TMEM132D: variants seen among roughly 807,000 people sequenced by gnomAD.
The protein encoded by TMEM132D is transmembrane protein 132D.
A neutral mutation model predicts 62.3 loss-of-function variants in TMEM132D; 21 were observed. The observed-to-expected ratio is 0.34, with a 90% confidence interval of 0.24 to 0.49. The LOEUF is 0.49. Ranked by LOEUF, TMEM132D falls within the 20% of genes least tolerant of loss-of-function variation. TMEM132D has a pLI of 0.99. For missense variants in TMEM132D, 1,346 were observed against 1,402.8 expected, an observed-to-expected ratio of 0.96 and a Z score of 0.65; for synonymous variants, 621 against 575.6, an observed-to-expected ratio of 1.08 and a Z score of -1.13.
At chr12:129,520,711 T>C (rs771922823) in intron 3 of TMEM132D, among the ~76,000 whole-genome samples, 29 of 152,196 alleles carry the variant, frequency 1.9e-4, no homozygotes, top group Admixed American at 4.6e-4. Context: ...CACGCCACGA[T>C]TAAGCTGTAC....
intron 3 of TMEM132D, among the ~76,000 whole-genome samples, chr12:129,504,980 T>C (rs1281767217): frequency 1.3e-5 from 2 of 152,242 alleles, no homozygotes; most frequent in African/African-American, 4.8e-5. Flanking sequence ...CCACTGATAA[T>C]TCAAGAACAG....
chr12:129,741,826 C>T (rs996482503), intron 1 of TMEM132D, among the ~76,000 whole-genome samples: 1 of 152,150 alleles, frequency 6.6e-6, no homozygotes, highest in African/African-American at 2.4e-5. Context: ...CTTCAAGGTG[C>T]CATTTTAGCT....
intron 3 of TMEM132D, among the ~76,000 whole-genome samples, chr12:129,509,998 G>T (rs1304131132): frequency 2.6e-5 from 4 of 152,156 alleles, no homozygotes; most frequent in Non-Finnish European, 5.9e-5. Context: ...CAATAGGATT[G>T]CTGGGTCTTA....
chr12:129,605,802 T>C (rs532565563), intron 2 of TMEM132D, among the ~76,000 whole-genome samples: 4 of 151,082 alleles, frequency 2.6e-5, no homozygotes, highest in Non-Finnish European at 5.9e-5. Context: ...TGGGTCAGAG[T>C]TGTGGTTTGC....
chr12:129,282,502 C>T lies in TMEM132D; in HGVS notation c.1299+55132G>A, dbSNP rs996822168. Among the ~76,000 whole-genome samples, 8 of 152,198 alleles carry T rather than the reference C, an allele frequency of 5.3e-5. No homozygotes were observed. The East Asian group carries it at 9.7e-4, about 18-fold the overall frequency. On this transcript the variant is annotated intron_variant, in intron 4 of 8. Transcript: ENST00000422113. ...GTCCAGATGAACACCAGCTACGATC[C>T]GGGCTGACTAAAAACCGAAGACCAG...
intron 2 of TMEM132D, among the ~76,000 whole-genome samples, chr12:129,680,593 A>G (rs1373836200): frequency 1.3e-5 from 2 of 152,180 alleles, no homozygotes; most frequent in Non-Finnish European, 2.9e-5. Context: ...CATAAGATAG[A>G]GTCAATCAGA....
chr12:129,316,015 T>C lies in TMEM132D; in HGVS notation c.1299+21619A>G, dbSNP rs1296805985. On this transcript the variant is annotated intron_variant, in intron 4 of 8. Transcript: ENST00000422113. ...CTTGTTTCATTTCTTCGTGAAGTTATTTGGATTTTCTCGCTTCTCTTCTTG... is the reference window on the plus strand; with the variant it reads ...CTTGTTTCATTTCTTCGTGAAGTTACTTGGATTTTCTCGCTTCTCTTCTTG... 2.6e-5 allele frequency among the ~76,000 whole-genome samples: 4 copies of C among 152,312 alleles called. No individual in the cohort carries two copies. The South Asian group carries it at 8.3e-4, about 32-fold the overall frequency.
At chr12:129,508,642 A>T (rs1235904020) in intron 3 of TMEM132D, among the ~76,000 whole-genome samples, 1 of 152,122 alleles carries the variant, frequency 6.6e-6, no homozygotes, top group Non-Finnish European at 1.5e-5. Flanking sequence ...AAGAATATCG[A>T]TCTCACCAGA....
intron 3 of TMEM132D, among the ~76,000 whole-genome samples, chr12:129,348,051 A>T (rs528372386): frequency 1.3e-5 from 2 of 152,296 alleles, no homozygotes; most frequent in African/African-American, 4.8e-5. Flanking sequence ...AAAGTCAGGA[A>T]ACAACAGGTG....
intron 5 of TMEM132D, chr12:129,208,638 G>A (rs1417238925): frequency 6.6e-6 from 1 of 152,204 alleles, no homozygotes; most frequent in East Asian, 1.9e-4. Flanking sequence ...TCCAGCCATG[G>A]CTAGGACTCA....
intron 2 of TMEM132D, among the ~76,000 whole-genome samples, chr12:129,694,808 AC>A (rs1483383127): frequency 6.6e-6 from 1 of 152,210 alleles, no homozygotes; most frequent in Non-Finnish European, 1.5e-5. Flanking sequence ...GGAGATCGAG[AC>A]CATCCTGGCT....
intron 5 of TMEM132D, among the ~76,000 whole-genome samples, chr12:129,186,618 G>GCATA (rs1306323153): frequency 6.6e-6 from 1 of 152,110 alleles, no homozygotes; most frequent in Non-Finnish European, 1.5e-5. Flanking sequence ...TCAAGCTTGG[G>GCATA]CATACGACTT....
At chr12:129,568,618 G>C (rs1351957982) in intron 2 of TMEM132D, among the ~76,000 whole-genome samples, 1 of 152,206 alleles carries the variant, frequency 6.6e-6, no homozygotes, top group African/African-American at 2.4e-5. Context: ...CTTAAGAAGA[G>C]TGTTTCTGAA....
At chr12:129,228,696 C>T (rs887436864) in intron 4 of TMEM132D, among the ~76,000 whole-genome samples, 9 of 152,292 alleles carry the variant, frequency 5.9e-5, no homozygotes, top group South Asian at 2.1e-4. Context: ...GTCAGTGTTT[C>T]GTTCCTTTCA....
At chr12:129,414,025 A>G (rs1872044172) in intron 3 of TMEM132D, among the ~76,000 whole-genome samples, 1 of 152,246 alleles carries the variant, frequency 6.6e-6, no homozygotes, top group African/African-American at 2.4e-5. Flanking sequence ...GTGCTTTCTT[A>G]TGCAGAAACA....
chr12:129,117,284 G>T (rs935279028), intron 5 of TMEM132D, among the ~76,000 whole-genome samples: 3 of 151,906 alleles, frequency 2.0e-5, no homozygotes, highest in South Asian at 4.2e-4. Flanking sequence ...GGAGGGGGGA[G>T]GAATGAATAG....
chr12:129,400,416 T>C (rs1871586095), intron 3 of TMEM132D, among the ~76,000 whole-genome samples: 1 of 152,162 alleles, frequency 6.6e-6, no homozygotes, highest in South Asian at 2.1e-4. Context: ...TTTAGGCTTT[T>C]AGCAGCCTGA....
At chr12:129,754,588 C>T (rs536097952) in intron 1 of TMEM132D, among the ~76,000 whole-genome samples, 4 of 152,152 alleles carry the variant, frequency 2.6e-5, no homozygotes, top group East Asian at 1.9e-4. Flanking sequence ...TGAGATCAGG[C>T]GGGACACAGT....
At chr12:129,829,411 C>A (rs1202794446) in intron 1 of TMEM132D, among the ~76,000 whole-genome samples, 1 of 152,100 alleles carries the variant, frequency 6.6e-6, no homozygotes, top group African/African-American at 2.4e-5. Context: ...CTGAGTACAG[C>A]ACAATTTTTC....
Sources: allele counts gnomAD v4.1 joint callset (sites outside exome capture counted in the v4.1 genomes callset), GRCh38; gene constraint gnomAD v4.1.1; transcripts MANE v1.5; gene names NCBI Gene and HGNC (gene_info 2026-07-23, HGNC 2026-07-21).